The following DAB1 variants were observed in gnomAD, a reference collection of about 807,000 sequenced individuals.
DAB1 encodes the protein DAB adaptor protein 1.
Under a neutral mutation model 64.6 loss-of-function variants are expected in DAB1, and 15 were observed. The ratio of observed to expected loss-of-function variants is 0.23; its 90% CI spans 0.16 to 0.36. The LOEUF (loss-of-function observed/expected upper bound fraction) is 0.36. Among genes scored for constraint, DAB1 ranks in the 10% least tolerant of loss-of-function variants. DAB1 has a pLI of 1.00. For synonymous variants in DAB1, 235 were observed against 251.9 expected (o/e 0.93, Z 0.64); for missense variants, 596 against 706.7 (o/e 0.84, Z 1.78).
intron 5 of DAB1, among the ~76,000 whole-genome samples, chr1:57,967,486 C>A (rs1645695776): frequency 6.6e-6 from 1 of 152,104 alleles, no homozygotes; most frequent in Non-Finnish European, 1.5e-5. Context: ...CTTATTATGG[C>A]TCAATAAGAT....
At chr1:57,987,515 T>C (rs1646248905) in intron 5 of DAB1, among the ~76,000 whole-genome samples, 1 of 152,166 alleles carries the variant, frequency 6.6e-6, no homozygotes, top group Non-Finnish European at 1.5e-5. Flanking sequence ...AGATTCAAAC[T>C]GAAGTGTGCC....
chr1:57,199,448 T>C (rs548308992), intron 2 of DAB1, among the ~76,000 whole-genome samples: 1 of 152,168 alleles, frequency 6.6e-6, no homozygotes, highest in East Asian at 1.9e-4. Context: ...AAGGGCTTGT[T>C]GGGAGGTGGC....
At chr1:57,934,063 T>TTGTGTGTGTGTGTGTGTGTGTG (rs55848780) in intron 5 of DAB1, among the ~76,000 whole-genome samples, 43 of 128,096 alleles carry the variant, frequency 3.4e-4, no homozygotes, top group African/African-American at 1.1e-3. Context: ...GCCCAGCTAA[T>TTGTGTGTGTGTGTGTGTGTGTG]TGTGTGTGTG....
chr1:58,190,992 G>T (rs1226316412), intron 4 of DAB1, among the ~76,000 whole-genome samples: 1 of 152,174 alleles, frequency 6.6e-6, no homozygotes, highest in East Asian at 1.9e-4. Context: ...CCCATCCCAG[G>T]TTATCAACAA....
chr1:57,755,358 C>T (rs533784430), intron 6 of DAB1, among the ~76,000 whole-genome samples: 2 of 152,094 alleles, frequency 1.3e-5, no homozygotes, highest in South Asian at 2.1e-4. Context: ...TTCTTTTATG[C>T]TTTTTAATAA....
At chr1:57,941,985 T>G (rs924359397) in intron 5 of DAB1, among the ~76,000 whole-genome samples, 26 of 152,326 alleles carry the variant, frequency 1.7e-4, no homozygotes, top group African/African-American at 6.0e-4. Context: ...CTCAGTTTTT[T>G]CATCTGTAAA....
intron 4 of DAB1, among the ~76,000 whole-genome samples, chr1:58,312,784 C>G (rs918463005): frequency 3.9e-5 from 6 of 152,116 alleles, no homozygotes; most frequent in African/African-American, 1.4e-4. Context: ...TACTCACTTA[C>G]TAGTTGTGTG....
intron 8 of DAB1, 94 bp from the exon 9 acceptor site, chr1:57,063,037 G>A (rs2100569978): frequency 1.8e-6 from 2 of 1,131,292 alleles, no homozygotes; most frequent in East Asian, 2.4e-5. Context: ...GCTGGCTAAG[G>A]GTGCCTGAGA....
At chr1:57,917,535 T>G (rs1644745426) in intron 5 of DAB1, among the ~76,000 whole-genome samples, 1 of 152,206 alleles carries the variant, frequency 6.6e-6, no homozygotes, top group South Asian at 2.1e-4. Flanking sequence ...GTACTAATAT[T>G]TCTTCTGCCT....
At chr1:58,022,147 T>C (rs1646823922) in intron 5 of DAB1, among the ~76,000 whole-genome samples, 1 of 152,116 alleles carries the variant, frequency 6.6e-6, no homozygotes, top group Non-Finnish European at 1.5e-5. Flanking sequence ...ACCAGGTACC[T>C]TGAGAATCTG....
chr1:57,344,868 G>A (rs144262034), intron 1 of DAB1, among the ~76,000 whole-genome samples: 195 of 152,204 alleles, frequency 1.3e-3, no homozygotes, highest in African/African-American at 4.5e-3. Context: ...ACTATAGTCA[G>A]CATTAAGCTT....
intron 3 of DAB1, among the ~76,000 whole-genome samples, chr1:58,385,118 A>G (rs1644422255): frequency 1.3e-5 from 2 of 152,234 alleles, no homozygotes; most frequent in Admixed American, 6.5e-5. Flanking sequence ...AACAAAAAAC[A>G]AAGAGACATA....
At chr1:57,133,081 T>C (rs1440192116) in intron 4 of DAB1, among the ~76,000 whole-genome samples, 2 of 152,178 alleles carry the variant, frequency 1.3e-5, no homozygotes, top group Non-Finnish European at 2.9e-5. Flanking sequence ...ATTTACTTCA[T>C]AGAATTGCCG....
At chr1:57,350,013 T>C (rs12725140) in intron 1 of DAB1, among the ~76,000 whole-genome samples, 3,135 of 152,266 alleles carry the variant, frequency 0.021, 38 homozygotes, top group South Asian at 0.036. Context: ...GCACAGATAT[T>C]TATAAATAGA....
intron 1 of DAB1, among the ~76,000 whole-genome samples, chr1:57,863,891 A>C (rs1473931821): frequency 6.6e-6 from 1 of 152,186 alleles, no homozygotes; most frequent in East Asian, 1.9e-4. Flanking sequence ...TCCTTTATTC[A>C]TTCATCAAAT....
At chr1:57,667,946 T>G (rs949615687) in intron 6 of DAB1, among the ~76,000 whole-genome samples, 1 of 151,854 alleles carries the variant, frequency 6.6e-6, no homozygotes, top group Non-Finnish European at 1.5e-5. Flanking sequence ...AAAACCTAGA[T>G]GATGAGTTGA....
At chr1:57,385,314 T>A (rs150904382) in intron 1 of DAB1, among the ~76,000 whole-genome samples, 1 of 152,270 alleles carries the variant, frequency 6.6e-6, no homozygotes, top group Non-Finnish European at 1.5e-5. Flanking sequence ...TAGCTCCTTT[T>A]ACTGCTTCAG....
At chr1:58,288,036 A>AT (rs1661730777) in intron 4 of DAB1, among the ~76,000 whole-genome samples, 1 of 147,210 alleles carries the variant, frequency 6.8e-6, no homozygotes, top group African/African-American at 2.5e-5. Flanking sequence ...AAAAAAAAAA[A>AT]AAAAAAAAAG....
intron 4 of DAB1, among the ~76,000 whole-genome samples, chr1:57,124,255 G>A (rs1312537887): frequency 1.3e-5 from 2 of 152,160 alleles, no homozygotes; most frequent in African/African-American, 4.8e-5. Flanking sequence ...TTGTACCATA[G>A]GACACAGATA....
Sources: allele counts gnomAD v4.1 joint callset (sites outside exome capture counted in the v4.1 genomes callset), GRCh38; gene constraint gnomAD v4.1.1; transcripts MANE v1.5; gene names NCBI Gene and HGNC (gene_info 2026-07-23, HGNC 2026-07-21).